Variants in TREML1 observed in about 807,000 individuals in gnomAD.
TREML1 encodes the protein triggering receptor expressed on myeloid cells like 1.
Under a neutral mutation model 22.8 loss-of-function variants are expected in TREML1, and 27 were observed. That is an observed-to-expected ratio of 1.19 (90% CI 0.87 to 1.64). The LOEUF (loss-of-function observed/expected upper bound fraction) is 1.64. TREML1 is among the 40% of genes most tolerant of loss of function. The pLI, the probability that TREML1 is intolerant of heterozygous loss-of-function variation, is 0.00. For synonymous variants in TREML1, 153 were observed against 161.9 expected (o/e 0.94, Z 0.42); for missense variants, 356 against 382.0 (o/e 0.93, Z 0.57).
intron 2 of TREML1, among the ~76,000 whole-genome samples, chr6:41,152,741 T>C (rs1765296388): frequency 6.6e-6 from 1 of 151,938 alleles, no homozygotes; most frequent in Admixed American, 6.6e-5. Context: ...GGCATGGTGG[T>C]GGGCACCTGT....
In TREML1 at chr6:41,150,832, G is replaced by A. The variant is rs1229678389; in HGVS notation, c.555C>T (p.Ala185=). ...VAAVVLFAVM[A]KRKQGNRLGV... ...ATAGCCACCTACCTTGTTTCCTCTT[G>A]GCCATCACAGCAAACAGCACCACCG... The change falls in exon 4 of 6, where the codon GCC becomes GCT. Residue 185 remains alanine, a synonymous_variant. Transcript: ENST00000426005. The A allele has an allele frequency of 6.2e-7, 1 of 1,613,940 alleles. No individual in the cohort carries two copies. Among genetic ancestry groups the A allele is most frequent in the Non-Finnish European group, 8.5e-7 (1 of 1,179,908 alleles).
chr6:41,155,253 G>T (rs1765389424), upstream of TREML1, among the ~76,000 whole-genome samples: 1 of 152,152 alleles, frequency 6.6e-6, no homozygotes, highest in Non-Finnish European at 1.5e-5. Flanking sequence ...TCTGTGCAAA[G>T]GGTATTGGCC....
intron 3 of TREML1, 109 bp downstream of exon 3, chr6:41,151,173 G>A: frequency 1.0e-6 from 1 of 999,104 alleles, no homozygotes. Context: ...TTCCCCAGAG[G>A]TGGGAAGAAT....
At chr6:41,154,438 C>T, upstream of TREML1, 1 of 673,906 alleles carries the variant, frequency 1.5e-6, no homozygotes, top group Non-Finnish European at 2.6e-6. Flanking sequence ...GGAGTTCTTC[C>T]AAGCCCTGGT....
intron 4 of TREML1, among the ~76,000 whole-genome samples, chr6:41,150,517 C>T (rs558201582): frequency 6.6e-6 from 1 of 152,264 alleles, no homozygotes; most frequent in South Asian, 2.1e-4. Context: ...GAGCTCCCTT[C>T]AACCCACCTC....
At chr6:41,150,786 G>C in intron 4 of TREML1, 33 bp downstream of exon 4, 1 of 1,591,722 alleles carries the variant, frequency 6.3e-7, no homozygotes, top group Non-Finnish European at 8.6e-7. Context: ...TGGAATGGTA[G>C]GGCCAGGCTG....
intron 2 of TREML1, 112 bp from the exon 3 acceptor site, chr6:41,151,496 AG>A: frequency 1.1e-6 from 1 of 905,848 alleles, no homozygotes; most frequent in Non-Finnish European, 1.8e-6. Flanking sequence ...GAGCCAAGGA[AG>A]GAGAGGACCC....
Position 41,154,254 on chromosome 6 carries a change from C to A in TREML1, c.35G>T (p.Gly12Val). 6.2e-7 allele frequency: 1 copy of A among 1,614,046 alleles called. No homozygotes were observed. Among genetic ancestry groups the A allele is most frequent in the Non-Finnish European group, 8.5e-7 (1 of 1,179,956 alleles). ...CTCCTCCTGAACCTTACCTTCTAGT[C>A]CCAGGAGCAGCAGCAAGAGCAGGGT... The part of the protein sequence containing the change: ...GLTLLLLLLL[G>V]LEGQGIVGSL... Residue 12 changes from glycine (G) to valine (V), a missense_variant, in exon 1 of 6, where the codon GGA becomes GTA. Physicochemically the swap from Gly to Val is moderately radical, Grantham distance 109. Transcript: ENST00000426005.
intron 2 of TREML1, 85 bp from the exon 3 acceptor site, chr6:41,151,469 G>A: frequency 8.1e-7 from 1 of 1,229,476 alleles, no homozygotes; most frequent in South Asian, 1.2e-5. Context: ...GTTGAGGTCT[G>A]AGGGACTGGA....
At chr6:41,155,375 T>TTCTCTCTC (rs3049085), upstream of TREML1, among the ~76,000 whole-genome samples, 2,278 of 136,798 alleles carry the variant, frequency 0.017, 36 homozygotes, top group African/African-American at 0.027. Flanking sequence ...GAGTAAACGT[T>TTCTCTCTC]TCTCTCTCTC....
intron 2 of TREML1, among the ~76,000 whole-genome samples, chr6:41,152,371 C>T (rs1005231560): frequency 2.0e-5 from 3 of 152,118 alleles, no homozygotes; most frequent in South Asian, 2.1e-4. Context: ...GCCTCCCTGA[C>T]GCTCCTCCCA....
At chr6:41,150,984 G>T in intron 3 of TREML1, 77 bp from the exon 4 acceptor site, 1 of 1,246,918 alleles carries the variant, frequency 8.0e-7, no homozygotes. Context: ...CTGGAGCAGT[G>T]ACAGAAGGGT....
intron 5 of TREML1, 93 bp downstream of exon 5, chr6:41,150,168 C>T: frequency 7.0e-7 from 1 of 1,422,712 alleles, no homozygotes; most frequent in Non-Finnish European, 9.8e-7. Flanking sequence ...AGGTCCCAGT[C>T]CTTTCTCCAC....
At chr6:41,153,685 C>G in intron 2 of TREML1, 73 bp downstream of exon 2, 2 of 1,461,088 alleles carry the variant, frequency 1.4e-6, no homozygotes, top group Non-Finnish European at 1.9e-6. Flanking sequence ...CCTCAAGAAC[C>G]CATGAGCCCT....
At chr6:41,154,408 A>G, upstream of TREML1, 1 of 806,166 alleles carries the variant, frequency 1.2e-6, no homozygotes, top group African/African-American at 1.7e-5. Flanking sequence ...AATGATGGGC[A>G]CCTCCAGGGG....
Position 41,149,525 on chromosome 6 carries a change from T to A in TREML1, c.*79A>T. 6.8e-7 allele frequency: 1 copy of A among 1,462,760 alleles called. No individual in the cohort carries two copies. Among genetic ancestry groups the A allele is most frequent in the South Asian group, 1.3e-5 (1 of 75,694 alleles). 90.6% of individuals were successfully genotyped at this position (1,462,760 alleles called of 1,614,324 possible). A position where few individuals can be genotyped will look rare whatever the true frequency, so the allele number is the denominator to read the frequency against. On this transcript the variant is annotated 3_prime_UTR_variant, in exon 6 of 6. Transcript: ENST00000426005. ...CCTGGTTGCTCAGATATCCTAAGGA[T>A]CCTAGGGCATGAGCTGGCTGGATGG...
At position 41,151,294 on chromosome 6, in the gene TREML1, TG is replaced by T; in HGVS notation, c.466del (p.Gln156ArgfsTer8). On this transcript the variant is annotated frameshift_variant, in exon 3 of 6. Transcript: ENST00000426005. LOFTEE classifies it high-confidence loss of function. ...AGSANPLEPS[Q>X]DEKSIPLIWG... Reference sequence around the variant, plus strand: ...ATCCTGTCAGTACCTCTTCTCATCCTGGCTGGGTTCCAAAGGGTTGGCACTG... The same window carrying T: ...ATCCTGTCAGTACCTCTTCTCATCCTGCTGGGTTCCAAAGGGTTGGCACTG... The T allele has an allele frequency of 6.2e-7, 1 of 1,614,202 alleles. No homozygotes were observed. The highest frequency in any genetic ancestry group is 1.7e-5 in the Admixed American group (1 of 60,028).
At chr6:41,154,546 C>T (rs1765373138), upstream of TREML1, among the ~76,000 whole-genome samples, 1 of 152,110 alleles carries the variant, frequency 6.6e-6, no homozygotes, top group African/African-American at 2.4e-5. Flanking sequence ...TGGGGCCCGG[C>T]TAAGGGGTGA....
chr6:41,154,379 C>T, upstream of TREML1: 1 of 1,130,204 alleles, frequency 8.8e-7, no homozygotes, highest in East Asian at 2.4e-5. Flanking sequence ...CAGAAAGTCA[C>T]TTGGGGTGGG....
Sources: gnomAD v4.1 joint callset for allele counts (sites outside exome capture counted in the v4.1 genomes callset) on GRCh38, gnomAD v4.1.1 for gene constraint, MANE v1.5 for transcripts, NCBI Gene and HGNC (gene_info 2026-07-23, HGNC 2026-07-21) for gene names.